Variants in DNTT observed in about 807,000 individuals in gnomAD.
The protein encoded by DNTT is nucleosidetriphosphate:DNA deoxynucleotidylexotransferase.
DNTT carries 47 observed loss-of-function variants against 60.9 expected under a neutral mutation model. The observed-to-expected ratio is 0.77, with a 90% CI of 0.61 to 0.98. The LOEUF (loss-of-function observed/expected upper bound fraction) is 0.98. Among genes scored for constraint, DNTT ranks in the 50% least tolerant of loss-of-function variants. The pLI is 0.00. For synonymous variants in DNTT, 224 were observed against 221.2 expected, an observed-to-expected ratio of 1.01 and a Z score of -0.11; for missense variants, 665 against 627.5, an observed-to-expected ratio of 1.06 and a Z score of -0.64.
intron 8 of DNTT, among the ~76,000 whole-genome samples, chr10:96,329,629 T>C (rs1844982205): frequency 6.6e-6 from 1 of 152,022 alleles, no homozygotes; most frequent in South Asian, 2.1e-4. Flanking sequence ...AAAGTGAAAA[T>C]AAAAGCTAGA....
intron 1 of DNTT, among the ~76,000 whole-genome samples, chr10:96,311,657 G>T (rs1029265923): frequency 6.6e-6 from 1 of 151,998 alleles, no homozygotes; most frequent in Non-Finnish European, 1.5e-5. Flanking sequence ...TTATTTGTTT[G>T]GGGGGAGACA....
At chr10:96,332,016 T>A (rs1484118800) in intron 8 of DNTT, among the ~76,000 whole-genome samples, 2 of 152,168 alleles carry the variant, frequency 1.3e-5, no homozygotes, top group African/African-American at 4.8e-5. Flanking sequence ...GCAGCGTGGC[T>A]TTTTGTTTAT....
At chr10:96,306,320 C>A (rs190457803) in intron 1 of DNTT, among the ~76,000 whole-genome samples, 16 of 152,266 alleles carry the variant, frequency 1.1e-4, no homozygotes, top group Non-Finnish European at 1.5e-4. Flanking sequence ...TCTCTATCTC[C>A]TGACTTTGTA....
chr10:96,331,430 C>T (rs919172005), intron 8 of DNTT, among the ~76,000 whole-genome samples: 4 of 152,156 alleles, frequency 2.6e-5, no homozygotes, highest in African/African-American at 4.8e-5. Flanking sequence ...GCTTCTGGTG[C>T]GGCCTCAGGG....
At chr10:96,307,703 GTGTA>G (rs757887644) in intron 1 of DNTT, among the ~76,000 whole-genome samples, 40 of 35,294 alleles carry the variant, frequency 1.1e-3, no homozygotes, top group East Asian at 4.7e-3. Flanking sequence ...GTGTGTGTGT[GTGTA>G]TATATATATA....
At chr10:96,314,603 A>T (rs183634136) in intron 1 of DNTT, among the ~76,000 whole-genome samples, 1 of 150,952 alleles carries the variant, frequency 6.6e-6, no homozygotes, top group Non-Finnish European at 1.5e-5. Context: ...TAGTAGAGAC[A>T]GGGTTTCACC....
chr10:96,311,671 C>G (rs967139390), intron 1 of DNTT, among the ~76,000 whole-genome samples: 4 of 152,126 alleles, frequency 2.6e-5, no homozygotes, highest in Non-Finnish European at 5.9e-5. Context: ...GGAGACAGGG[C>G]CTTGCTCTAT....
rs867005666 is a variant in DNTT at position 96,322,873 on chromosome 10, C to A, written c.750+145C>A. The A allele has an allele frequency of 1.8e-4, 110 of 611,886 alleles. 1 individual carries two copies. In the Middle Eastern group the frequency reaches 3.2e-3, roughly 18 times the overall value. The allele number at this position is 611,886 out of a possible 1,614,324, so 37.9% of individuals were successfully genotyped here. ...AAACAACAGAAATTTATTTTCTCAC[C>A]ATTCTGGATCAAGATGTCAGCAGGG... On this transcript the variant is annotated intron_variant, in intron 5 of 10. Transcript: ENST00000371174.
intron 1 of DNTT, among the ~76,000 whole-genome samples, chr10:96,309,009 G>C (rs1451337009): frequency 6.6e-6 from 1 of 152,186 alleles, no homozygotes; most frequent in Non-Finnish European, 1.5e-5. Context: ...CCTGGGCTCA[G>C]AGGCCTGACA....
intron 8 of DNTT, among the ~76,000 whole-genome samples, chr10:96,330,662 TA>T (rs1844997084): frequency 6.6e-6 from 1 of 152,196 alleles, no homozygotes; most frequent in Non-Finnish European, 1.5e-5. Context: ...TGAATTGAGA[TA>T]ATGTCTTGTG....
chr10:96,315,834 A>G (rs1000743563), intron 1 of DNTT, among the ~76,000 whole-genome samples: 5 of 152,136 alleles, frequency 3.3e-5, no homozygotes, highest in African/African-American at 4.8e-5. Context: ...AACACTTCCT[A>G]TTAATCCTTG....
At chr10:96,308,129 A>AT (rs1358476643) in intron 1 of DNTT, among the ~76,000 whole-genome samples, 3 of 152,150 alleles carry the variant, frequency 2.0e-5, no homozygotes, top group Non-Finnish European at 4.4e-5. Flanking sequence ...TTCCTAACAC[A>AT]TTCTTTGGCT....
chr10:96,318,714 C>T (rs1234333092), intron 2 of DNTT, among the ~76,000 whole-genome samples, 188 bp downstream of exon 2: 1 of 152,192 alleles, frequency 6.6e-6, no homozygotes, highest in African/African-American at 2.4e-5. Context: ...ATGCCAGCCT[C>T]ACAAAATGGT....
chr10:96,311,900 T>A (rs1413222951), intron 1 of DNTT, among the ~76,000 whole-genome samples: 2 of 152,202 alleles, frequency 1.3e-5, no homozygotes, highest in Non-Finnish European at 2.9e-5. Flanking sequence ...CACCTGGGCC[T>A]CCCAGAGTGC....
rs77752641 is a variant in DNTT at position 96,312,618 on chromosome 10, C to A, written c.204-5734C>A. On this transcript the variant is annotated intron_variant, in intron 1 of 10. Coordinates refer to ENST00000371174, the MANE Select transcript of DNTT (RefSeq NM_004088.4). ...CAGCCAAGCCTGCCTGAAGTGCTGACCCACGAAATTGTGAGATATAATAAA... is the reference window on the plus strand; with the variant it reads ...CAGCCAAGCCTGCCTGAAGTGCTGAACCACGAAATTGTGAGATATAATAAA... 4.9e-3 allele frequency among the ~76,000 whole-genome samples: 746 copies of A among 152,242 alleles called. 7 individuals are homozygous for A. The highest frequency in any genetic ancestry group is 0.015 in the African/African-American group (613 of 41,544).
intron 3 of DNTT, among the ~76,000 whole-genome samples, 200 bp downstream of exon 3, chr10:96,319,590 C>G (rs947333667): frequency 1.3e-5 from 2 of 152,152 alleles, no homozygotes; most frequent in African/African-American, 4.8e-5. Flanking sequence ...TGGAAATAGA[C>G]AAATACATTT....
In DNTT at chr10:96,320,720, A is replaced by G. The variant is rs1844858881; in HGVS notation, c.610A>G (p.Thr204Ala). The change falls in exon 4 of 11, where the codon ACA becomes GCA. Residue 204 changes from threonine (T) to alanine (A), a missense_variant. Transcript: ENST00000371174. ...TTCTGTATTGAAATCTCTGCCATTC[A>G]CAATCATCAGTATGAAGGACACAGA... ...AASVLKSLPFTIISMKDTEGI... is the reference protein window; with the variant it reads ...AASVLKSLPFAIISMKDTEGI... The G allele has an allele frequency of 2.5e-6, 4 of 1,613,800 alleles. No homozygotes were observed. In the South Asian group the frequency reaches 4.4e-5, roughly 18 times the overall value.
intron 2 of DNTT, 23 bp downstream of exon 2, chr10:96,318,549 T>C (rs1844821092): frequency 1.2e-6 from 2 of 1,609,178 alleles, no homozygotes; most frequent in Non-Finnish European, 1.7e-6. Flanking sequence ...GGTGTGATTT[T>C]CACTGTTCTT....
chr10:96,333,885 G>C (rs112901338), intron 9 of DNTT, among the ~76,000 whole-genome samples: 14 of 152,278 alleles, frequency 9.2e-5, no homozygotes, highest in African/African-American at 3.4e-4. Flanking sequence ...AGTCAGACAG[G>C]TGGAATAAAC....
Sources: gnomAD v4.1 joint callset for allele counts (sites outside exome capture counted in the v4.1 genomes callset) on GRCh38, gnomAD v4.1.1 for gene constraint, MANE v1.5 for transcripts, NCBI Gene and HGNC (gene_info 2026-07-23, HGNC 2026-07-21) for gene names.